The following STK32C variants were observed in gnomAD, a reference collection of about 807,000 sequenced individuals.
STK32C encodes the protein serine/threonine kinase 32C, also known as serine/threonine-protein kinase 32C.
A neutral mutation model predicts 56.5 loss-of-function variants in STK32C; 31 were observed. The ratio of observed to expected loss-of-function variants is 0.55; its 90% CI spans 0.41 to 0.74. The LOEUF (loss-of-function observed/expected upper bound fraction) is 0.74, where lower values mean the gene tolerates loss of function less well. STK32C is among the 30% of genes least tolerant of loss of function. STK32C has a pLI of 0.00. For synonymous variants in STK32C, 309 were observed against 289.4 expected, an observed-to-expected ratio of 1.07 and a Z score of -0.69; for missense variants, 544 against 676.9, an observed-to-expected ratio of 0.80 and a Z score of 2.18.
chr10:132,309,640 G>C (rs990678601), upstream of STK32C, among the ~76,000 whole-genome samples: 2 of 152,182 alleles, frequency 1.3e-5, no homozygotes, highest in Non-Finnish European at 2.9e-5. Flanking sequence ...AAGGCAGTGG[G>C]TTCAGCACCT....
chr10:132,220,798 C>A (rs745434612), intron 10 of STK32C, among the ~76,000 whole-genome samples: 24 of 152,208 alleles, frequency 1.6e-4, no homozygotes, highest in Non-Finnish European at 2.4e-4. Flanking sequence ...CCTGACAAGG[C>A]CACGACCTCA....
chr10:132,311,096 G>A (rs936706946), upstream of STK32C, among the ~76,000 whole-genome samples: 6 of 152,094 alleles, frequency 3.9e-5, no homozygotes, highest in African/African-American at 1.2e-4. The surrounding 1 kb of genome is among the most constrained non-coding windows in gnomAD (Gnocchi z 4.4). Context: ...ATAAAGCCAC[G>A]CCTCCTGAGG....
At chr10:132,331,981 G>A, upstream of STK32C, 1 of 461,360 alleles carries the variant, frequency 2.2e-6, no homozygotes, top group Non-Finnish European at 3.7e-6. Flanking sequence ...CCCCTCCCGG[G>A]CAGGCGCACC....
At chr10:132,317,095 G>C (rs979711986) in intron 1 of STK32C, among the ~76,000 whole-genome samples, 1 of 151,954 alleles carries the variant, frequency 6.6e-6, no homozygotes, top group South Asian at 2.1e-4. Context: ...AGATAAAATG[G>C]AGAAACTATT....
intron 1 of STK32C, among the ~76,000 whole-genome samples, chr10:132,305,009 T>C (rs1029457147): frequency 6.6e-6 from 1 of 151,998 alleles, no homozygotes; most frequent in Non-Finnish European, 1.5e-5. Flanking sequence ...TCCTCTCAGG[T>C]TCACTTGGTA....
chr10:132,270,573 G>A (rs919679513), intron 1 of STK32C, among the ~76,000 whole-genome samples: 4 of 152,222 alleles, frequency 2.6e-5, no homozygotes, highest in Non-Finnish European at 5.9e-5. Context: ...GCAACCCCAG[G>A]ACCCAGCATG....
chr10:132,261,308 C>T (rs1590306246), intron 1 of STK32C, among the ~76,000 whole-genome samples: 2 of 152,198 alleles, frequency 1.3e-5, no homozygotes, highest in East Asian at 3.8e-4. Context: ...AACCAACATA[C>T]AACAATCCAC....
exon 2 of STK32C, chr10:132,324,155 TG>T: frequency 1.4e-6 from 1 of 725,976 alleles, no homozygotes; most frequent in South Asian, 1.5e-5. Flanking sequence ...GGCCAAGAGC[TG>T]GGGATGAGTC....
chr10:132,248,189 G>T (rs866588170), intron 1 of STK32C, among the ~76,000 whole-genome samples: 90 of 152,380 alleles, frequency 5.9e-4, no homozygotes, highest in African/African-American at 2.1e-3. Context: ...CCGCCATGTG[G>T]CGTCACCCAA....
rs1194255631 is a variant in STK32C, at chr10:132,255,080, T to C, written c.263-9125A>G. ...ATTGCACAGCAGAAGTGGGCACTAC[T>C]GTGAGAGCTGTCACAAAGATCAAAT... On this transcript the variant is annotated intron_variant, in intron 1 of 11. Transcript: ENST00000298630. This position sits in a 1 kb window ranked among gnomAD's most constrained non-coding sequence, Gnocchi z 4.6. Among the ~76,000 whole-genome samples the C allele has an allele frequency of 1.3e-5, 2 of 152,148 alleles. No homozygotes were observed. The highest frequency in any genetic ancestry group is 6.5e-5 in the Admixed American group (1 of 15,278).
chr10:132,223,229 C>T (rs749198056), intron 8 of STK32C, among the ~76,000 whole-genome samples: 26 of 152,226 alleles, frequency 1.7e-4, no homozygotes, highest in Admixed American at 1.4e-3. Flanking sequence ...AAACCCCTGG[C>T]GCCAGAGGAC....
chr10:132,238,150 G>A (rs1000535), intron 2 of STK32C, among the ~76,000 whole-genome samples: 17,559 of 152,218 alleles, frequency 0.12, 1,173 homozygotes, highest in East Asian at 0.24. Flanking sequence ...GCCAGGGCAC[G>A]GGGCAGCCTC....
intron 2 of STK32C, among the ~76,000 whole-genome samples, chr10:132,235,168 C>T (rs1324031569): frequency 1.3e-5 from 2 of 152,012 alleles, no homozygotes; most frequent in East Asian, 3.9e-4. Context: ...AGTGGTGTGC[C>T]ACCCTTGATG....
intron 1 of STK32C, among the ~76,000 whole-genome samples, chr10:132,275,141 C>T (rs114774528): frequency 0.015 from 2,351 of 152,302 alleles, 63 homozygotes; most frequent in African/African-American, 0.052. Context: ...TGCCATCTGG[C>T]CCATCAGCCC....
At chr10:132,260,305 T>A (rs2064260314) in intron 1 of STK32C, among the ~76,000 whole-genome samples, 1 of 152,114 alleles carries the variant, frequency 6.6e-6, no homozygotes. Flanking sequence ...CCCGGGGTCC[T>A]CGCAGGTGTC....
intron 1 of STK32C, among the ~76,000 whole-genome samples, chr10:132,246,735 C>T (rs2063709227): frequency 6.6e-6 from 1 of 152,174 alleles, no homozygotes; most frequent in African/African-American, 2.4e-5. Flanking sequence ...CTGCACTTGC[C>T]TTTCAAACCC....
At chr10:132,321,272 A>G (rs2066402424), downstream of STK32C, among the ~76,000 whole-genome samples, 1 of 152,198 alleles carries the variant, frequency 6.6e-6, no homozygotes. Flanking sequence ...TGTGGCCCAG[A>G]GCCAAGACTG....
At chr10:132,287,421 T>A (rs979012410) in intron 1 of STK32C, among the ~76,000 whole-genome samples, 6 of 124,228 alleles carry the variant, frequency 4.8e-5, no homozygotes, top group African/African-American at 1.8e-4. Flanking sequence ...AACCCGGGAG[T>A]GGAGGCTACA....
chr10:132,293,114 G>C (rs762690192), intron 1 of STK32C, among the ~76,000 whole-genome samples: 1 of 152,262 alleles, frequency 6.6e-6, no homozygotes, highest in Non-Finnish European at 1.5e-5. Flanking sequence ...TCAGTGCAGC[G>C]CGTGCATGCG....
Sources: allele counts gnomAD v4.1 joint callset (sites outside exome capture counted in the v4.1 genomes callset), GRCh38; gene constraint gnomAD v4.1.1; non-coding constraint Gnocchi (gnomAD v3.1); transcripts MANE v1.5; gene names NCBI Gene and HGNC (gene_info 2026-07-23, HGNC 2026-07-21).